CDH13: variants seen among roughly 807,000 people sequenced by gnomAD.
CDH13 encodes the protein cadherin-13.
CDH13 carries 24 observed loss-of-function variants against 63.8 expected under a neutral mutation model. The observed-to-expected ratio is 0.38, with a 90% confidence interval of 0.27 to 0.53. The LOEUF (loss-of-function observed/expected upper bound fraction) is 0.53, where lower values mean the gene tolerates loss of function less well. Among genes scored for constraint, CDH13 ranks in the 20% least tolerant of loss-of-function variants. The pLI, the probability that CDH13 is intolerant of heterozygous loss-of-function variation, is 0.85. For missense variants in CDH13, 1,049 were observed against 903.1 expected (o/e 1.16, Z -2.07); for synonymous variants, 503 against 355.3 (o/e 1.42, Z -4.67).
chr16:83,626,295 A>G (rs1299010003), intron 8 of CDH13, among the ~76,000 whole-genome samples: 2 of 152,188 alleles, frequency 1.3e-5, no homozygotes, highest in African/African-American at 4.8e-5. Flanking sequence ...GCAGGAAAGC[A>G]CCAGCCATCA....
chr16:83,365,725 A>G (rs2091246528), intron 6 of CDH13, among the ~76,000 whole-genome samples: 1 of 152,238 alleles, frequency 6.6e-6, no homozygotes, highest in Non-Finnish European at 1.5e-5. Context: ...AGAGAGATGC[A>G]GCAGCAGAGA....
At chr16:83,469,714 G>A (rs1414055362) in intron 6 of CDH13, among the ~76,000 whole-genome samples, 1 of 152,202 alleles carries the variant, frequency 6.6e-6, no homozygotes, top group Non-Finnish European at 1.5e-5. Context: ...CACAGGGCCT[G>A]CCACAAAATA....
At chr16:82,799,269 A>T (rs942459108) in intron 1 of CDH13, among the ~76,000 whole-genome samples, 2 of 152,210 alleles carry the variant, frequency 1.3e-5, no homozygotes, top group East Asian at 3.9e-4. Flanking sequence ...TACATAATTC[A>T]TGTGTCAATT....
chr16:83,696,278 T>C (rs114919107), intron 10 of CDH13, among the ~76,000 whole-genome samples: 2 of 152,128 alleles, frequency 1.3e-5, no homozygotes, highest in African/African-American at 4.8e-5. Context: ...CTCAGTAGAG[T>C]GTGCAGGTTC....
intron 6 of CDH13, among the ~76,000 whole-genome samples, chr16:83,402,369 C>G (rs1010974779): frequency 5.9e-5 from 9 of 152,076 alleles, no homozygotes; most frequent in Non-Finnish European, 1.0e-4. Flanking sequence ...TTCAGTATAG[C>G]TCCCACTAGT....
intron 10 of CDH13, among the ~76,000 whole-genome samples, chr16:83,708,493 G>T (rs966140364): frequency 6.6e-6 from 1 of 152,052 alleles, no homozygotes; most frequent in African/African-American, 2.4e-5. Flanking sequence ...GTCTTTTTCT[G>T]TCTAGGTTCT....
intron 7 of CDH13, among the ~76,000 whole-genome samples, chr16:83,498,237 A>G (rs1045359233): frequency 6.6e-6 from 1 of 152,110 alleles, no homozygotes; most frequent in African/African-American, 2.4e-5. Context: ...CACTCCCTGG[A>G]GCTGAGTCTT....
chr16:82,648,939 G>C (rs987803935), intron 1 of CDH13, among the ~76,000 whole-genome samples: 7 of 152,172 alleles, frequency 4.6e-5, no homozygotes, highest in African/African-American at 1.4e-4. Flanking sequence ...ATGAGTTACT[G>C]GGAGTATGGA....
intron 2 of CDH13, among the ~76,000 whole-genome samples, chr16:82,935,852 A>G (rs1239339522): frequency 6.6e-6 from 1 of 152,146 alleles, no homozygotes; most frequent in African/African-American, 2.4e-5. Flanking sequence ...TAACACGTAG[A>G]AGAGAAGAGA....
At chr16:83,109,230 A>G (rs1286411924) in intron 3 of CDH13, among the ~76,000 whole-genome samples, 1 of 152,172 alleles carries the variant, frequency 6.6e-6, no homozygotes, top group East Asian at 1.9e-4. Flanking sequence ...GAGGGAAGGG[A>G]TGGATTCCTG....
intron 8 of CDH13, among the ~76,000 whole-genome samples, chr16:83,656,144 G>A (rs1912849724): frequency 6.6e-6 from 1 of 152,118 alleles, no homozygotes. Flanking sequence ...GTCTGTCTGA[G>A]TTTGCCTCAC....
intron 10 of CDH13, among the ~76,000 whole-genome samples, chr16:83,733,326 C>G (rs1350353041): frequency 1.3e-5 from 2 of 152,196 alleles, no homozygotes; most frequent in African/African-American, 4.8e-5. Flanking sequence ...GGTGAGCTCT[C>G]TCCTTGTGAA....
At chr16:83,104,445 A>G (rs1043606191) in intron 3 of CDH13, among the ~76,000 whole-genome samples, 2 of 152,222 alleles carry the variant, frequency 1.3e-5, no homozygotes, top group Non-Finnish European at 2.9e-5. Flanking sequence ...GGCCAATGAA[A>G]GACACTTTGC....
intron 3 of CDH13, among the ~76,000 whole-genome samples, chr16:83,123,470 G>T (rs140536916): frequency 6.6e-6 from 1 of 151,844 alleles, no homozygotes; most frequent in African/African-American, 2.4e-5. Flanking sequence ...GTAGAGACGA[G>T]GTTTCTCCAT....
chr16:83,743,800 C>A (rs1912305080), intron 10 of CDH13, among the ~76,000 whole-genome samples: 1 of 97,030 alleles, frequency 1.0e-5, no homozygotes, highest in Non-Finnish European at 1.9e-5. Context: ...ATTGTTCCAA[C>A]AGAAGGAGAA....
intron 5 of CDH13, among the ~76,000 whole-genome samples, chr16:83,226,451 A>G (rs889723): frequency 0.58 from 88,009 of 152,034 alleles, 26,445 homozygotes; most frequent in East Asian, 0.89. Context: ...AGAACCCCAC[A>G]TTCCTTAATT....
intron 6 of CDH13, among the ~76,000 whole-genome samples, chr16:83,483,961 T>G (rs1314096853): frequency 6.6e-6 from 1 of 152,168 alleles, no homozygotes; most frequent in Non-Finnish European, 1.5e-5. Flanking sequence ...GCCAAGAATG[T>G]TCTTTTCTGA....
chr16:83,336,910 A>G (rs2090610375), intron 5 of CDH13, among the ~76,000 whole-genome samples: 1 of 152,188 alleles, frequency 6.6e-6, no homozygotes, highest in African/African-American at 2.4e-5. Context: ...GAAACCTTGT[A>G]ACACATTTTG....
At chr16:83,069,927 G>C (rs779591277) in intron 3 of CDH13, among the ~76,000 whole-genome samples, 2 of 152,208 alleles carry the variant, frequency 1.3e-5, no homozygotes, top group Non-Finnish European at 2.9e-5. Context: ...TCGGCAATCA[G>C]TGTAGTTGAT....
Sources: gnomAD v4.1 joint callset for allele counts (sites outside exome capture counted in the v4.1 genomes callset) on GRCh38, gnomAD v4.1.1 for gene constraint, MANE v1.5 for transcripts, NCBI Gene and HGNC (gene_info 2026-07-23, HGNC 2026-07-21) for gene names.